The following KRT5 variants were observed in gnomAD, a reference collection of about 807,000 sequenced individuals.
KRT5 encodes keratin, type II cytoskeletal 5.
A neutral mutation model predicts 44.0 loss-of-function variants in KRT5; 17 were observed. That is an observed-to-expected ratio of 0.39 (90% confidence interval 0.26 to 0.58). The LOEUF (loss-of-function observed/expected upper bound fraction) is 0.58, where lower values mean the gene tolerates loss of function less well. Ranked by LOEUF, KRT5 falls within the 20% of genes least tolerant of loss-of-function variation. KRT5 has a pLI of 0.61. For synonymous variants in KRT5, 329 were observed against 312.8 expected (o/e 1.05, Z -0.55); for missense variants, 737 against 785.5 (o/e 0.94, Z 0.74).
At position 52,519,870 on chromosome 12, in the gene KRT5, C is replaced by T; in HGVS notation, c.427G>A (p.Val143Ile). ...PVCPPGGIQEVTVNQSLLTPL... is the reference protein window; with the variant it reads ...PVCPPGGIQEITVNQSLLTPL... ...GTCAGGAGACTCTGGTTGACAGTGA[C>T]CTCTTGGATACCTCCAGGAGGGCAG... The change falls in exon 1 of 9, where the codon GTC (valine) becomes ATC (isoleucine). Residue 143 changes from valine to isoleucine, a missense_variant. Val to Ile is a conservative substitution (Grantham distance 29). Transcript: ENST00000252242. The T allele has an allele frequency of 6.2e-7, 1 of 1,613,998 alleles. No individual in the cohort carries two copies. Among genetic ancestry groups the T allele is most frequent in the Non-Finnish European group, 8.5e-7 (1 of 1,180,012 alleles).
At chr12:52,519,439 G>T (rs1282444630) in intron 1 of KRT5, 2 of 629,814 alleles carry the variant, frequency 3.2e-6, no homozygotes, top group Non-Finnish European at 5.5e-6. Context: ...TGCTGCCCAT[G>T]CACTTGTCTA....
Position 52,519,716 on chromosome 12 carries a change from AT to A in KRT5, c.555+25del, listed in dbSNP as rs747462388. The stretch of plus-strand genomic sequence containing the variant: ...TGGCATTTATTTCAGACCCACAGTG[AT>A]TTTTTACAAAAGATCGTAGCTCACC... On this transcript the variant is annotated intron_variant, in intron 1 of 8. Transcript: ENST00000252242. The A allele has an allele frequency of 4.4e-6, 7 of 1,608,010 alleles. No homozygotes were observed. The African/African-American group carries it at 8.0e-5, about 18-fold the overall frequency.
At position 52,519,086 on chromosome 12, in the gene KRT5, A is replaced by C; in HGVS notation, c.630T>G (p.Thr210=). The C allele has an allele frequency of 2.5e-6, 4 of 1,614,000 alleles. No homozygotes were observed. The highest frequency in any genetic ancestry group is 2.7e-5 in the African/African-American group (2 of 74,966). ...WTLLQEQGTK[T]VRQNLEPLFE... is the part of the protein sequence containing the mutation. ...ACAACGGCTCCAGGTTCTGCCTCAC[A>C]GTCTTGGTGCCCTGCTCCTGCAGCA... The change falls in exon 2 of 9, where the codon ACT becomes ACG. Residue 210 remains threonine, a synonymous_variant. Transcript: ENST00000252242.
At position 52,514,819 on chromosome 12, in the gene KRT5, A is replaced by G; in HGVS notation, c.*123T>C. 1.2e-6 allele frequency: 1 copy of G among 817,170 alleles called. No individual in the cohort carries two copies. Among genetic ancestry groups the G allele is most frequent in the Non-Finnish European group, 2.0e-6 (1 of 495,146 alleles). 50.6% of individuals were successfully genotyped at this position (817,170 alleles called of 1,614,324 possible). A position where few individuals can be genotyped will look rare whatever the true frequency, so the allele number is the denominator to read the frequency against. ...TGGGAACCAAAGAATGTGGTTCTGCAATTGGCTTGGTCTAGACTACTCTCC... is the reference window on the plus strand; with the variant it reads ...TGGGAACCAAAGAATGTGGTTCTGCGATTGGCTTGGTCTAGACTACTCTCC... On this transcript the variant is annotated 3_prime_UTR_variant, in exon 9 of 9. Transcript: ENST00000252242.
At chr12:52,515,352 G>T in intron 8 of KRT5, 112 bp from the exon 9 acceptor site, 1 of 1,469,920 alleles carries the variant, frequency 6.8e-7, no homozygotes, top group Non-Finnish European at 9.4e-7. Flanking sequence ...CCTTTACAGA[G>T]TAGCAAACAA....
intron 7 of KRT5, 156 bp from the exon 8 acceptor site, chr12:52,515,988 C>T: frequency 1.5e-6 from 1 of 678,870 alleles, no homozygotes; most frequent in South Asian, 1.7e-5. Flanking sequence ...GAGAACTCTC[C>T]AGAGGGATTT....
Position 52,514,660 on chromosome 12 carries a change from T to G in KRT5, c.*282A>C, listed in dbSNP as rs1938574622. 4 of 457,894 alleles carry G rather than the reference T, an allele frequency of 8.7e-6. No homozygotes were observed. The highest frequency in any genetic ancestry group is 1.5e-5 in the Non-Finnish European group (4 of 258,698). The allele number at this position is 457,894 out of a possible 1,614,324, so 28.4% of individuals were successfully genotyped here. ...TTGGGATTGGGGTGGGGATTCTGTT[T>G]TGATGATTTAGATTTGGGAAAACTT... On this transcript the variant is annotated 3_prime_UTR_variant, in exon 9 of 9. Coordinates refer to ENST00000252242, the MANE Select transcript of KRT5 (RefSeq NM_000424.4).
chr12:52,516,534 A>G lies in KRT5; in HGVS notation c.1439+103T>C, dbSNP rs748761450. The G allele has an allele frequency of 1.8e-5, 21 of 1,141,670 alleles. No individual in the cohort carries two copies. The African/African-American group carries it at 3.0e-4, about 17-fold the overall frequency. 70.7% of individuals were successfully genotyped at this position (1,141,670 alleles called of 1,614,324 possible). A position where few individuals can be genotyped will look rare whatever the true frequency, so the allele number is the denominator to read the frequency against. On this transcript the variant is annotated intron_variant, in intron 7 of 8. Coordinates refer to ENST00000252242, the MANE Select transcript of KRT5 (RefSeq NM_000424.4). Reference sequence around the variant, plus strand: ...ATAGTGTTGATGATGTGTCATTATCACGCACAAGTCACTGATCTCATGTAT... The same window carrying G: ...ATAGTGTTGATGATGTGTCATTATCGCGCACAAGTCACTGATCTCATGTAT...
chr12:52,515,140 G>C lies in KRT5; in HGVS notation c.1575C>G (p.Ala525=). 2 of 1,611,714 alleles carry C rather than the reference G, an allele frequency of 1.2e-6. No homozygotes were observed. The highest frequency in any genetic ancestry group is 1.7e-6 in the Non-Finnish European group (2 of 1,179,098). Reference sequence around the variant, plus strand: ...AGTAGTAGCTTCCACTGCTACCTCCGGCAAGACCTCCACCGAGGCCGCCGC... The same window carrying C: ...AGTAGTAGCTTCCACTGCTACCTCCCGCAAGACCTCCACCGAGGCCGCCGC... ...GLGGGLGGGL[A]GGSSGSYYSS... Residue 525 remains alanine (A), a synonymous_variant, in exon 9 of 9, where the codon GCC becomes GCG. Transcript: ENST00000252242.
chr12:52,517,469 T>C lies in KRT5; in HGVS notation c.1092+121A>G, dbSNP rs145587149. ...TGGAAATTGTCTACACAGCCATTCC[T>C]ATAAAGCATCCCAATGGGCTTCAGC... is the stretch of plus-strand genomic sequence containing the variant. On this transcript the variant is annotated intron_variant, in intron 5 of 8. Coordinates refer to ENST00000252242, the MANE Select transcript of KRT5 (RefSeq NM_000424.4). The C allele has an allele frequency of 3.4e-6, 4 of 1,174,330 alleles. No homozygotes were observed. The East Asian group carries it at 9.3e-5, about 27-fold the overall frequency. The allele number at this position is 1,174,330 out of a possible 1,614,324, so 72.7% of individuals were successfully genotyped here. A position where few individuals can be genotyped will look rare whatever the true frequency, so the allele number is the denominator to read the frequency against.
Position 52,514,993 on chromosome 12 carries a change from G to T in KRT5, c.1722C>A (p.Ser574Arg), listed in dbSNP as rs572464702. ...GFGSGGGSSS[S>R]VKFVSTTSSS... Reference sequence around the variant, plus strand: ...AGGAGGTGGTGGAGACAAATTTGACGCTGGAGCTGCTACCCCCGCCACTGC... The same window carrying T: ...AGGAGGTGGTGGAGACAAATTTGACTCTGGAGCTGCTACCCCCGCCACTGC... Residue 574 changes from serine (S) to arginine (R), a missense_variant, in exon 9 of 9, where the codon AGC (serine) becomes AGA (arginine). Physicochemically the swap from Ser to Arg is moderately radical, Grantham distance 110. Around this residue, in one of 5 missense-constraint regions of KRT5, gnomAD observed 344 missense variants for 351.6 expected, o/e 0.98. Transcript: ENST00000252242. 1 of 1,613,028 alleles carries T rather than the reference G, an allele frequency of 6.2e-7. No individual in the cohort carries two copies. Among genetic ancestry groups the T allele is most frequent in the African/African-American group, 1.3e-5 (1 of 74,878 alleles).
In KRT5 at chr12:52,520,019, C is replaced by T; in HGVS notation, c.278G>A (p.Gly93Asp). 6.2e-7 allele frequency: 1 copy of T among 1,614,094 alleles called. No homozygotes were observed. Among genetic ancestry groups the T allele is most frequent in the East Asian group, 2.2e-5 (1 of 44,864 alleles). ...FRNRFGAGAG[G>D]GYGFGGGAGS... ...GGCACCACCTCCAAAGCCATAGCCG[C>T]CTCCAGCACCAGCACCAAACCGGTT... Residue 93 changes from glycine (G) to aspartate (D), a missense_variant, in exon 1 of 9, where the codon GGC becomes GAC. Around this residue, in one of 5 missense-constraint regions of KRT5, gnomAD observed 326 missense variants for 333.1 expected, o/e 0.98. Coordinates refer to ENST00000252242, the MANE Select transcript of KRT5 (RefSeq NM_000424.4).
In KRT5 at chr12:52,520,163, C is replaced by T; in HGVS notation, c.134G>A (p.Gly45Asp). The T allele has an allele frequency of 6.2e-7, 1 of 1,613,866 alleles. No homozygotes were observed. ...VSRSGGGGGG[G>D]FGRVSLAGAC... ...ACCCGCAAGGCTGACCCTGCCGAAG[C>T]CACCACCACCGCCACCCCCGGACCG... The change falls in exon 1 of 9, where the codon GGC becomes GAC. Residue 45 changes from glycine to aspartate, a missense_variant. Gly to Asp is a moderately conservative substitution (Grantham distance 94). Coordinates refer to ENST00000252242, the MANE Select transcript of KRT5 (RefSeq NM_000424.4).
intron 1 of KRT5, 84 bp from the exon 2 acceptor site, chr12:52,519,244 C>G: frequency 6.4e-7 from 1 of 1,574,702 alleles, no homozygotes; most frequent in Non-Finnish European, 8.6e-7. Context: ...CCACCTCTTT[C>G]CGTCCCTCTA....
At chr12:52,516,512 G>T in intron 7 of KRT5, 125 bp downstream of exon 7, 2 of 974,720 alleles carry the variant, frequency 2.1e-6, no homozygotes, top group South Asian at 1.3e-5. Flanking sequence ...GACTGAAATA[G>T]TGTTGATGAT....
At position 52,520,313 on chromosome 12, in the gene KRT5, T is replaced by C. The variant is rs1592195725; in HGVS notation, c.-17A>G. The C allele has an allele frequency of 6.2e-7, 1 of 1,611,326 alleles. No homozygotes were observed. The highest frequency in any genetic ancestry group is 8.5e-7 in the Non-Finnish European group (1 of 1,179,386). ...GCGAGACATGGTGGCTTGTTCCTGG[T>C]GGAGCAAGAGAACCAGGCACTAGTG... On this transcript the variant is annotated 5_prime_UTR_variant, in exon 1 of 9. Coordinates refer to ENST00000252242, the MANE Select transcript of KRT5 (RefSeq NM_000424.4).
In KRT5 at chr12:52,520,156, G is replaced by A. The variant is rs765707603; in HGVS notation, c.141C>T (p.Gly47=). The A allele has an allele frequency of 1.2e-6, 2 of 1,613,876 alleles. No individual in the cohort carries two copies. Among genetic ancestry groups the A allele is most frequent in the Admixed American group, 3.3e-5 (2 of 60,030 alleles). The stretch of plus-strand genomic sequence containing the variant: ...CACAAGCACCCGCAAGGCTGACCCT[G>A]CCGAAGCCACCACCACCGCCACCCC... ...RSGGGGGGGF[G]RVSLAGACGV... Residue 47 remains glycine (G), a synonymous_variant, in exon 1 of 9, where the codon GGC becomes GGT. Transcript: ENST00000252242.
In KRT5 at chr12:52,520,391, T is replaced by G; in HGVS notation, c.-95A>C. On this transcript the variant is annotated 5_prime_UTR_variant, in exon 1 of 9. Transcript: ENST00000252242. ...CTCAGCAGGACGCAGAAGGTGGCTCTGTTACCCAGGAACGGTGATGCCCCC... is the reference window on the plus strand; with the variant it reads ...CTCAGCAGGACGCAGAAGGTGGCTCGGTTACCCAGGAACGGTGATGCCCCC... 3 of 1,205,100 alleles carry G rather than the reference T, an allele frequency of 2.5e-6. No homozygotes were observed. The highest frequency in any genetic ancestry group is 3.6e-6 in the Non-Finnish European group (3 of 826,440). The allele number at this position is 1,205,100 out of a possible 1,614,324, so 74.7% of individuals were successfully genotyped here. A position where few individuals can be genotyped will look rare whatever the true frequency, so the allele number is the denominator to read the frequency against.
intron 4 of KRT5, 25 bp from the exon 5 acceptor site, chr12:52,517,779 A>C: frequency 6.2e-7 from 1 of 1,614,056 alleles, no homozygotes; most frequent in South Asian, 1.1e-5. Context: ...GGAGTCGGTC[A>C]TCTGGTTCTG....
Sources: allele counts gnomAD v4.1 joint callset, GRCh38; gene constraint gnomAD v4.1.1; regional missense constraint gnomAD v4.1.1; transcripts MANE v1.5; gene names NCBI Gene and HGNC (gene_info 2026-07-23, HGNC 2026-07-21).